The following GRID2 variants were observed in gnomAD, a reference collection of about 807,000 sequenced individuals.
GRID2 encodes glutamate ionotropic receptor delta type subunit 2.
Under a neutral mutation model 114.8 loss-of-function variants are expected in GRID2, and 33 were observed. The ratio of observed to expected loss-of-function variants is 0.29; its 90% CI spans 0.22 to 0.38. The LOEUF (loss-of-function observed/expected upper bound fraction) is 0.38. GRID2 is among the 10% of genes least tolerant of loss of function. The probability of loss-of-function intolerance (pLI) is 1.00; values close to 1 mark genes in which losing one functional copy is unlikely to be tolerated. For synonymous variants in GRID2, 505 were observed against 449.9 expected, an observed-to-expected ratio of 1.12 and a Z score of -1.55; for missense variants, 1,184 against 1,257.7, an observed-to-expected ratio of 0.94 and a Z score of 0.89.
At chr4:93,018,800 TATC>T (rs1309127299) in intron 2 of GRID2, among the ~76,000 whole-genome samples, 1 of 152,148 alleles carries the variant, frequency 6.6e-6, no homozygotes, top group African/African-American at 2.4e-5. Flanking sequence ...AGCAAAGTGG[TATC>T]ATATCAATGA....
intron 4 of GRID2, among the ~76,000 whole-genome samples, chr4:93,137,588 C>T (rs1220284054): frequency 2.6e-5 from 4 of 152,066 alleles, no homozygotes; most frequent in African/African-American, 9.7e-5. Context: ...TACAAGGATG[C>T]ACAAATGAAC....
chr4:93,687,047 A>G (rs75455217), intron 14 of GRID2, among the ~76,000 whole-genome samples: 6,248 of 152,090 alleles, frequency 0.041, 196 homozygotes, highest in African/African-American at 0.081. Context: ...CAGATGATAG[A>G]TGCTGTTATC....
chr4:93,205,195 C>A (rs1278605669), intron 4 of GRID2, among the ~76,000 whole-genome samples: 1 of 151,736 alleles, frequency 6.6e-6, no homozygotes. Flanking sequence ...ATAAGGATTA[C>A]CATTACTGGT....
Position 93,741,285 on chromosome 4 carries a change from T to A in GRID2, c.2361-27925T>A, listed in dbSNP as rs184473104. Among the ~76,000 whole-genome samples the A allele has an allele frequency of 1.6e-3, 240 of 149,552 alleles. 2 individuals are homozygous for A. The highest frequency in any genetic ancestry group is 5.7e-3 in the African/African-American group (229 of 40,522). On this transcript the variant is annotated intron_variant, in intron 14 of 15. Transcript: ENST00000282020. Reference sequence around the variant, plus strand: ...TACAGACCCAGGAGCCTGTATTTTTTAAATGCTCCTCATGTAAATTGCTAC... The same window carrying A: ...TACAGACCCAGGAGCCTGTATTTTTAAAATGCTCCTCATGTAAATTGCTAC...
intron 2 of GRID2, among the ~76,000 whole-genome samples, chr4:92,952,717 A>G (rs930853932): frequency 6.6e-6 from 1 of 152,226 alleles, no homozygotes; most frequent in African/African-American, 2.4e-5. Flanking sequence ...TCTCACCTGC[A>G]CATTTGGAAT....
chr4:92,643,647 T>C (rs1172944638), intron 2 of GRID2, among the ~76,000 whole-genome samples: 3 of 151,788 alleles, frequency 2.0e-5, no homozygotes, highest in African/African-American at 7.2e-5. Context: ...AAAAAATTTC[T>C]ATATACTGGG....
At chr4:92,686,261 ATTAC>A (rs963739811) in intron 2 of GRID2, among the ~76,000 whole-genome samples, 39 of 152,088 alleles carry the variant, frequency 2.6e-4, no homozygotes, top group Non-Finnish European at 3.7e-4. Context: ...CACCATGAGT[ATTAC>A]TTAAAGATGG....
intron 10 of GRID2, among the ~76,000 whole-genome samples, chr4:93,443,977 A>G (rs1255214343): frequency 1.3e-5 from 2 of 151,946 alleles, no homozygotes; most frequent in African/African-American, 4.8e-5. Context: ...GAAAATATTT[A>G]GGGAGACAGA....
At chr4:93,780,377 C>T (rs1294478572) in intron 1 of GRID2, among the ~76,000 whole-genome samples, 2 of 152,136 alleles carry the variant, frequency 1.3e-5, no homozygotes, top group Non-Finnish European at 2.9e-5. Flanking sequence ...ACGATCAATT[C>T]AGCTGGATTG....
intron 13 of GRID2, among the ~76,000 whole-genome samples, chr4:93,538,470 C>T (rs891835349): frequency 5.3e-5 from 8 of 151,434 alleles, no homozygotes; most frequent in African/African-American, 1.9e-4. Context: ...GTAGATACTG[C>T]GTTCCTACAG....
intron 14 of GRID2, among the ~76,000 whole-genome samples, chr4:93,651,888 C>G (rs1357533019): frequency 6.6e-6 from 1 of 152,088 alleles, no homozygotes; most frequent in Non-Finnish European, 1.5e-5. Context: ...CTCTTGCTCT[C>G]TAGAAGGAAA....
At chr4:92,851,208 A>G (rs1372576674) in intron 2 of GRID2, among the ~76,000 whole-genome samples, 1 of 151,952 alleles carries the variant, frequency 6.6e-6, no homozygotes, top group Admixed American at 6.6e-5. Context: ...TTAACAAATC[A>G]GCCAAATACT....
chr4:92,650,726 A>C (rs1344319134), intron 2 of GRID2, among the ~76,000 whole-genome samples: 1 of 151,948 alleles, frequency 6.6e-6, no homozygotes, highest in African/African-American at 2.4e-5. Flanking sequence ...AACAGGGAGC[A>C]CAAATGTAGA....
intron 13 of GRID2, among the ~76,000 whole-genome samples, chr4:93,611,035 A>G (rs1014109790): frequency 1.6e-5 from 2 of 128,616 alleles, no homozygotes; most frequent in African/African-American, 6.5e-5. Context: ...TTCCTGGTTT[A>G]GTCTTGGGAG....
intron 2 of GRID2, among the ~76,000 whole-genome samples, chr4:93,042,886 G>T (rs926681765): frequency 6.6e-6 from 1 of 151,476 alleles, no homozygotes; most frequent in Non-Finnish European, 1.5e-5. Flanking sequence ...TGAAAAAAGA[G>T]CAGGCAGGCA....
chr4:93,278,939 A>G (rs1421758847), intron 8 of GRID2, among the ~76,000 whole-genome samples: 1 of 151,458 alleles, frequency 6.6e-6, no homozygotes, highest in African/African-American at 2.4e-5. Context: ...CTTTAGTCTC[A>G]GTCTCTCTCT....
At chr4:93,384,153 T>A (rs1424459725) in intron 8 of GRID2, among the ~76,000 whole-genome samples, 1 of 152,128 alleles carries the variant, frequency 6.6e-6, no homozygotes, top group African/African-American at 2.4e-5. Context: ...GGAAGGCAAC[T>A]TCCTTCAGTT....
intron 1 of GRID2, among the ~76,000 whole-genome samples, chr4:92,401,825 A>T (rs1383165553): frequency 6.6e-6 from 1 of 152,132 alleles, no homozygotes; most frequent in Non-Finnish European, 1.5e-5. Flanking sequence ...ATTTCTTAGC[A>T]TAAGAAAACA....
At chr4:92,538,089 A>G (rs2149159632) in intron 1 of GRID2, among the ~76,000 whole-genome samples, 1 of 152,264 alleles carries the variant, frequency 6.6e-6, no homozygotes, top group South Asian at 2.1e-4. Flanking sequence ...GTTACTTACT[A>G]TAGATCTGTT....
Sources: gnomAD v4.1 joint callset for allele counts (sites outside exome capture counted in the v4.1 genomes callset) on GRCh38, gnomAD v4.1.1 for gene constraint, MANE v1.5 for transcripts, NCBI Gene and HGNC (gene_info 2026-07-23, HGNC 2026-07-21) for gene names.